The following EEFSEC variants were observed in gnomAD, a reference collection of about 807,000 sequenced individuals.
EEFSEC encodes the protein selenocysteine-specific elongation factor.
In EEFSEC, 43 loss-of-function variants were observed where a neutral mutation model predicts 42.1. The ratio of observed to expected loss-of-function variants is 1.02; its 90% CI spans 0.80 to 1.32. EEFSEC has a LOEUF of 1.32. Ranked by LOEUF, EEFSEC falls within the 40% of genes most tolerant of loss-of-function variation. The probability of loss-of-function intolerance (pLI) is 0.00; values close to 1 mark genes in which losing one functional copy is unlikely to be tolerated. For missense variants in EEFSEC, 745 were observed against 803.6 expected, an observed-to-expected ratio of 0.93 and a Z score of 0.88; for synonymous variants, 354 against 339.1, an observed-to-expected ratio of 1.04 and a Z score of -0.48.
At chr3:128,300,541 GAAAAA>G (rs35286505) in intron 4 of EEFSEC, among the ~76,000 whole-genome samples, 2 of 86,088 alleles carry the variant, frequency 2.3e-5, no homozygotes, top group African/African-American at 8.4e-5. Context: ...GACTCTGTCT[GAAAAA>G]AAAAAAAAAA....
chr3:128,371,959 T>A (rs1319658329), intron 6 of EEFSEC, among the ~76,000 whole-genome samples: 1 of 152,228 alleles, frequency 6.6e-6, no homozygotes, highest in African/African-American at 2.4e-5. Context: ...CTGTCCAGCC[T>A]GGTGCGGACC....
At chr3:128,384,676 A>C (rs182381784) in intron 6 of EEFSEC, among the ~76,000 whole-genome samples, 3 of 152,182 alleles carry the variant, frequency 2.0e-5, no homozygotes, top group Non-Finnish European at 4.4e-5. Flanking sequence ...TGGAGAGGGA[A>C]CACGTCCAAG....
chr3:128,322,220 C>G (rs2067015223), intron 4 of EEFSEC, among the ~76,000 whole-genome samples: 1 of 152,260 alleles, frequency 6.6e-6, no homozygotes, highest in African/African-American at 2.4e-5. Flanking sequence ...CGTCCAGGTT[C>G]AAATCCCAGC....
At chr3:128,355,689 A>G (rs2067444626) in intron 5 of EEFSEC, among the ~76,000 whole-genome samples, 2 of 152,044 alleles carry the variant, frequency 1.3e-5, no homozygotes, top group African/African-American at 4.8e-5. Flanking sequence ...TATTCTTGCA[A>G]CATTTACTCA....
chr3:128,426,216 A>G, the EEFSEC span, among the ~76,000 whole-genome samples: 1 of 152,216 alleles, frequency 6.6e-6, no homozygotes, highest in Admixed American at 6.5e-5. Context: ...GAACACCTGG[A>G]TTCCCACCTC....
chr3:128,190,231 C>G (rs2065509272), intron 1 of EEFSEC, among the ~76,000 whole-genome samples: 1 of 152,162 alleles, frequency 6.6e-6, no homozygotes, highest in African/African-American at 2.4e-5. Flanking sequence ...AGGATGTATC[C>G]AGGAGAAGGC....
chr3:128,153,957 A>C, intron 1 of EEFSEC, 134 bp downstream of exon 1: 7 of 1,301,392 alleles, frequency 5.4e-6, no homozygotes, highest in Non-Finnish European at 7.0e-6. Context: ...TGACGCCCCA[A>C]GAGGCGGACG....
chr3:128,395,670 G>A (rs955906407), intron 6 of EEFSEC, among the ~76,000 whole-genome samples: 3 of 152,238 alleles, frequency 2.0e-5, no homozygotes, highest in African/African-American at 7.2e-5. Flanking sequence ...CGTGCAATGA[G>A]GCGGTGTCTG....
chr3:128,197,433 G>C (rs1001968078), intron 1 of EEFSEC, among the ~76,000 whole-genome samples: 1 of 152,114 alleles, frequency 6.6e-6, no homozygotes, highest in Non-Finnish European at 1.5e-5. Context: ...ATCACGCCCA[G>C]CTAATTTTTT....
the EEFSEC span, among the ~76,000 whole-genome samples, chr3:128,415,275 G>A: frequency 4.6e-5 from 7 of 152,164 alleles, no homozygotes; most frequent in African/African-American, 7.2e-5. Context: ...AGGGCTCTGC[G>A]GTGCCAGGGC....
intron 6 of EEFSEC, among the ~76,000 whole-genome samples, chr3:128,407,135 T>C (rs932432243): frequency 3.3e-5 from 5 of 152,048 alleles, no homozygotes; most frequent in African/African-American, 1.2e-4. Context: ...GTGGTGAAGA[T>C]GGAGGTGTTG....
intron 3 of EEFSEC, among the ~76,000 whole-genome samples, chr3:128,263,320 C>T (rs952674064): frequency 4.6e-5 from 7 of 152,212 alleles, no homozygotes; most frequent in African/African-American, 9.7e-5. Flanking sequence ...CCAGGTTGAT[C>T]GCTGGGGTCA....
chr3:128,184,956 G>A (rs999404978), intron 1 of EEFSEC, among the ~76,000 whole-genome samples: 2 of 152,102 alleles, frequency 1.3e-5, no homozygotes, highest in African/African-American at 2.4e-5. Flanking sequence ...GATTGTTTGA[G>A]CCCAGGAGTT....
chr3:128,241,799 TA>T (rs1052091286), intron 1 of EEFSEC, among the ~76,000 whole-genome samples: 6 of 152,254 alleles, frequency 3.9e-5, no homozygotes, highest in African/African-American at 1.4e-4. Flanking sequence ...GGCACTGTTC[TA>T]AATTGTTTAC....
intron 4 of EEFSEC, among the ~76,000 whole-genome samples, chr3:128,267,526 G>T (rs1469346631): frequency 6.6e-6 from 1 of 152,210 alleles, no homozygotes; most frequent in African/African-American, 2.4e-5. Context: ...AACTGTGAAA[G>T]ATGCTGCCTT....
chr3:128,243,445 C>T (rs922351031), intron 1 of EEFSEC, among the ~76,000 whole-genome samples: 3 of 152,140 alleles, frequency 2.0e-5, no homozygotes, highest in African/African-American at 4.8e-5. Context: ...TTGTGTATAC[C>T]AATAGGAAAT....
intron 1 of EEFSEC, among the ~76,000 whole-genome samples, chr3:128,220,411 T>C (rs73195222): frequency 6.6e-6 from 1 of 152,284 alleles, no homozygotes; most frequent in Non-Finnish European, 1.5e-5. Context: ...CCAGCACACG[T>C]AGAGACCATA....
At chr3:128,189,291 T>C (rs1447109098) in intron 1 of EEFSEC, among the ~76,000 whole-genome samples, 1 of 152,130 alleles carries the variant, frequency 6.6e-6, no homozygotes, top group African/African-American at 2.4e-5. Context: ...CTTAGGTCAA[T>C]GATGGAAGGT....
intron 1 of EEFSEC, among the ~76,000 whole-genome samples, chr3:128,186,854 A>G (rs963334581): frequency 4.6e-5 from 7 of 152,134 alleles, no homozygotes; most frequent in Non-Finnish European, 8.8e-5. Context: ...GGGATTAGGT[A>G]ATAATAGTAG....
Sources: allele counts gnomAD v4.1 joint callset (sites outside exome capture counted in the v4.1 genomes callset), GRCh38; gene constraint gnomAD v4.1.1; transcripts MANE v1.5; gene names NCBI Gene and HGNC (gene_info 2026-07-23, HGNC 2026-07-21).